ST18: variants seen among roughly 807,000 people sequenced by gnomAD.
ST18 encodes the protein ST18 C2H2C-type zinc finger transcription factor, also known as suppression of tumorigenicity 18 protein.
ST18 carries 50 observed loss-of-function variants against 110.0 expected under a neutral mutation model. That is an observed-to-expected ratio of 0.45 (90% CI 0.36 to 0.58). The LOEUF (loss-of-function observed/expected upper bound fraction) is 0.58. ST18 is among the 20% of genes least tolerant of loss of function. The probability of loss-of-function intolerance (pLI) is 0.00; values close to 1 mark genes in which losing one functional copy is unlikely to be tolerated. For synonymous variants in ST18, 461 were observed against 452.4 expected (o/e 1.02, Z -0.24); for missense variants, 1,306 against 1,280.1 (o/e 1.02, Z -0.31).
At chr8:52,248,645 C>T (rs971697199) in intron 2 of ST18, 15 of 152,282 alleles carry the variant, frequency 9.9e-5, no homozygotes, top group African/African-American at 2.2e-4. Flanking sequence ...ATCCTGCAAA[C>T]GCATTTTTCC....
rs548379735 is a variant in ST18 at position 52,344,079 on chromosome 8, T to A, written c.-465+65249A>T. Reference sequence around the variant, plus strand: ...TGTGTCATCATTAATAGCTATATAATAGCTGTACAGCTATTAATACTAAGG... The same window carrying A: ...TGTGTCATCATTAATAGCTATATAAAAGCTGTACAGCTATTAATACTAAGG... On this transcript the variant is annotated intron_variant, in intron 2 of 25. Coordinates refer to ENST00000689386, the MANE Select transcript of ST18 (RefSeq NM_001352837.2). Among the ~76,000 whole-genome samples, 56 of 152,322 alleles carry A rather than the reference T, an allele frequency of 3.7e-4. 1 individual carries two copies. In the South Asian group the frequency reaches 0.012, roughly 32 times the overall value.
chr8:52,273,843 T>C (rs1478348789), intron 2 of ST18, among the ~76,000 whole-genome samples: 1 of 152,202 alleles, frequency 6.6e-6, no homozygotes, highest in East Asian at 1.9e-4. Flanking sequence ...GCACACTAAT[T>C]AAGCCTAGAA....
chr8:52,236,479 G>A (rs1391918522), intron 2 of ST18, among the ~76,000 whole-genome samples: 5 of 151,878 alleles, frequency 3.3e-5, no homozygotes, highest in East Asian at 3.9e-4. Flanking sequence ...GCATGGTGGC[G>A]GGTGCCTGTA....
intron 2 of ST18, among the ~76,000 whole-genome samples, chr8:52,400,797 C>G (rs1393088559): frequency 6.6e-6 from 1 of 152,038 alleles, no homozygotes; most frequent in African/African-American, 2.4e-5. Flanking sequence ...AATGTAGCCA[C>G]AGTTATTTTT....
At chr8:52,269,483 T>C (rs927366777) in intron 2 of ST18, among the ~76,000 whole-genome samples, 2 of 152,192 alleles carry the variant, frequency 1.3e-5, no homozygotes, top group African/African-American at 4.8e-5. Context: ...GAGACAATAC[T>C]AGCTGCCTGT....
At chr8:52,309,520 C>CAAAAAAAAAAA (rs756214451) in intron 2 of ST18, among the ~76,000 whole-genome samples, 4 of 37,760 alleles carry the variant, frequency 1.1e-4, no homozygotes, top group African/African-American at 3.8e-4. Flanking sequence ...GACTCCATCT[C>CAAAAAAAAAAA]AAAAAAAAAA....
chr8:52,382,779 T>G (rs376373967), intron 2 of ST18, among the ~76,000 whole-genome samples: 1 of 150,932 alleles, frequency 6.6e-6, no homozygotes, highest in Non-Finnish European at 1.5e-5. Context: ...GATAAAGATA[T>G]AGGGCAAGAA....
intron 2 of ST18, among the ~76,000 whole-genome samples, chr8:52,401,234 T>A (rs1450275502): frequency 1.3e-5 from 2 of 152,212 alleles, no homozygotes. Flanking sequence ...GACATTTTTC[T>A]CTTGCTGCTT....
intron 2 of ST18, among the ~76,000 whole-genome samples, chr8:52,253,970 T>C (rs902576910): frequency 1.0e-4 from 9 of 87,190 alleles, no homozygotes; most frequent in African/African-American, 3.6e-4. Context: ...AGTGAAAGTG[T>C]GAGAGATTGA....
At position 52,249,647 on chromosome 8, in the gene ST18, G is replaced by C. The variant is rs756858227; in HGVS notation, c.-464-19570C>G. On this transcript the variant is annotated intron_variant, in intron 2 of 25. Transcript: ENST00000689386. ...CGAAGGTCTATTTAATCAGACAAAT[G>C]CTGAATATATTTGCAGTAAATCACT... Among the ~76,000 whole-genome samples the C allele has an allele frequency of 2.0e-5, 3 of 151,970 alleles. No individual in the cohort carries two copies. In the East Asian group the frequency reaches 5.8e-4, roughly 29 times the overall value.
In ST18 at chr8:52,378,434, A is replaced by G. The variant is rs138784709; in HGVS notation, c.-465+30894T>C. Among the ~76,000 whole-genome samples the G allele has an allele frequency of 3.3e-3, 506 of 152,326 alleles. 3 individuals are homozygous for G. Among genetic ancestry groups the G allele is most frequent in the African/African-American group, 0.012 (490 of 41,576 alleles). On this transcript the variant is annotated intron_variant, in intron 2 of 25. Transcript: ENST00000689386. Reference sequence around the variant, plus strand: ...AAAGAGCAATGAGCTATTTACTGCTAAAAAGGGCATCCATTCTTACTAAAA... The same window carrying G: ...AAAGAGCAATGAGCTATTTACTGCTGAAAAGGGCATCCATTCTTACTAAAA...
intron 2 of ST18, among the ~76,000 whole-genome samples, chr8:52,274,369 T>C (rs190817547): frequency 5.8e-4 from 88 of 152,274 alleles, no homozygotes; most frequent in African/African-American, 1.9e-3. Flanking sequence ...TATACATATA[T>C]ATGTTAAATA....
intron 4 of ST18, among the ~76,000 whole-genome samples, chr8:52,221,298 G>A (rs968414659): frequency 7.2e-5 from 11 of 152,160 alleles, no homozygotes; most frequent in Non-Finnish European, 1.6e-4. Context: ...GATCCAAAAT[G>A]TATTCTTTTG....
At chr8:52,324,898 G>A (rs1002197826) in intron 2 of ST18, among the ~76,000 whole-genome samples, 7 of 152,174 alleles carry the variant, frequency 4.6e-5, no homozygotes, top group African/African-American at 1.7e-4. Context: ...GCCCGGACAT[G>A]TTGATCCAAA....
chr8:52,359,962 A>T (rs1824963503), intron 2 of ST18, among the ~76,000 whole-genome samples: 1 of 152,198 alleles, frequency 6.6e-6, no homozygotes, highest in South Asian at 2.1e-4. Flanking sequence ...ATAGCAACAA[A>T]TAGCAAACCA....
intron 3 of ST18, among the ~76,000 whole-genome samples, chr8:52,229,428 C>G (rs2090632132): frequency 6.6e-6 from 1 of 152,176 alleles, no homozygotes; most frequent in Non-Finnish European, 1.5e-5. Flanking sequence ...ACTGAGGTCC[C>G]TGTTTTCTTG....
chr8:52,268,457 TATCTATCTATC>T (rs1243904021), intron 2 of ST18, among the ~76,000 whole-genome samples: 1 of 149,288 alleles, frequency 6.7e-6, no homozygotes, highest in African/African-American at 2.5e-5. Context: ...ATCTATCGTC[TATCTATCTATC>T]ATCTATCTAT....
chr8:52,158,143 TTGCTGTCAAAGGGCATGA>T (rs1476746391), intron 15 of ST18, among the ~76,000 whole-genome samples: 3 of 152,230 alleles, frequency 2.0e-5, no homozygotes, highest in African/African-American at 7.2e-5. Context: ...CAGAAGCCCT[TTGCTGTCAAAGGGCATGA>T]AGGATCTTTG....
At chr8:52,189,546 A>G (rs190435110) in intron 8 of ST18, among the ~76,000 whole-genome samples, 1 of 152,228 alleles carries the variant, frequency 6.6e-6, no homozygotes, top group African/African-American at 2.4e-5. Flanking sequence ...AGCAGTTCTT[A>G]AACTCAGAAC....
Sources: allele counts gnomAD v4.1 joint callset (sites outside exome capture counted in the v4.1 genomes callset), GRCh38; gene constraint gnomAD v4.1.1; transcripts MANE v1.5; gene names NCBI Gene and HGNC (gene_info 2026-07-23, HGNC 2026-07-21).